MAML2: variants seen among roughly 807,000 people sequenced by gnomAD.
MAML2 encodes the protein mastermind like transcriptional coactivator 2.
MAML2 carries 22 observed loss-of-function variants against 96.1 expected under a neutral mutation model. That is an observed-to-expected ratio of 0.23 (90% CI 0.16 to 0.33). MAML2 has a LOEUF of 0.33. MAML2 is among the 10% of genes least tolerant of loss of function. The pLI is 1.00. For synonymous variants in MAML2, 561 were observed against 521.3 expected, an observed-to-expected ratio of 1.08 and a Z score of -1.04; for missense variants, 1,367 against 1,392.4, an observed-to-expected ratio of 0.98 and a Z score of 0.29.
At chr11:96,145,750 G>A (rs193098585) in intron 1 of MAML2, among the ~76,000 whole-genome samples, 5 of 152,342 alleles carry the variant, frequency 3.3e-5, no homozygotes, top group Admixed American at 2.6e-4. Context: ...GCTCATGCTT[G>A]TAATCCCAGT....
chr11:96,087,379 T>A (rs977753434), intron 2 of MAML2, among the ~76,000 whole-genome samples: 6 of 152,174 alleles, frequency 3.9e-5, no homozygotes, highest in African/African-American at 1.4e-4. Flanking sequence ...AAAAGATAAA[T>A]GGTGAAATAT....
At chr11:96,319,761 G>A (rs987650454) in intron 1 of MAML2, among the ~76,000 whole-genome samples, 2 of 152,158 alleles carry the variant, frequency 1.3e-5, no homozygotes, top group African/African-American at 4.8e-5. Context: ...TCTTCCTGCT[G>A]ACATTAAATA....
chr11:96,122,102 G>A (rs1008030331), intron 1 of MAML2, among the ~76,000 whole-genome samples: 1 of 151,042 alleles, frequency 6.6e-6, no homozygotes, highest in Non-Finnish European at 1.5e-5. Context: ...GAGCCACCCC[G>A]CCCGGCCCCT....
chr11:96,286,272 G>A (rs1431287921), intron 1 of MAML2, among the ~76,000 whole-genome samples: 2 of 152,176 alleles, frequency 1.3e-5, no homozygotes, highest in Admixed American at 1.3e-4. Flanking sequence ...GGAGCTGAAT[G>A]ACGAGAACAC....
chr11:96,237,608 T>C (rs938358923), intron 1 of MAML2, among the ~76,000 whole-genome samples: 2 of 152,264 alleles, frequency 1.3e-5, no homozygotes, highest in African/African-American at 4.8e-5. Context: ...TTTCAATCTA[T>C]AGCAGCTTTC....
chr11:96,319,652 T>C (rs1231068423), intron 1 of MAML2, among the ~76,000 whole-genome samples: 1 of 152,162 alleles, frequency 6.6e-6, no homozygotes, highest in Non-Finnish European at 1.5e-5. Flanking sequence ...CAGATATAGG[T>C]ACAATAGGGC....
chr11:96,181,681 C>CAT (rs1306943382), intron 1 of MAML2, among the ~76,000 whole-genome samples: 1 of 152,114 alleles, frequency 6.6e-6, no homozygotes, highest in Non-Finnish European at 1.5e-5. Context: ...AACACTCATC[C>CAT]ATAGTGGCCT....
At chr11:96,336,908 C>T (rs1309241701) in intron 1 of MAML2, among the ~76,000 whole-genome samples, 1 of 152,128 alleles carries the variant, frequency 6.6e-6, no homozygotes, top group Non-Finnish European at 1.5e-5. Flanking sequence ...CATCACCTAC[C>T]AATATTATTT....
At chr11:96,292,546 TA>T (rs1355167012) in intron 1 of MAML2, among the ~76,000 whole-genome samples, 4 of 152,230 alleles carry the variant, frequency 2.6e-5, no homozygotes, top group Non-Finnish European at 2.9e-5. Flanking sequence ...AGCAGTTATG[TA>T]AACCTAGGTC....
At chr11:96,171,857 C>T (rs1470608161) in intron 1 of MAML2, among the ~76,000 whole-genome samples, 1 of 152,240 alleles carries the variant, frequency 6.6e-6, no homozygotes, top group African/African-American at 2.4e-5. Context: ...TGCCTGCCAC[C>T]TTCTCCATTC....
At chr11:96,251,825 A>G (rs570466079) in intron 1 of MAML2, among the ~76,000 whole-genome samples, 1 of 149,236 alleles carries the variant, frequency 6.7e-6, no homozygotes, top group African/African-American at 2.5e-5. Flanking sequence ...TCCGCCTCCC[A>G]GGTTCACGCC....
chr11:96,207,191 A>C (rs943253021), intron 1 of MAML2, among the ~76,000 whole-genome samples: 1 of 152,194 alleles, frequency 6.6e-6, no homozygotes, highest in Non-Finnish European at 1.5e-5. Context: ...GGGTCCTCCA[A>C]GCATAGCTTT....
At chr11:96,122,090 G>A (rs185248024) in intron 1 of MAML2, among the ~76,000 whole-genome samples, 1 of 147,868 alleles carries the variant, frequency 6.8e-6, no homozygotes, top group African/African-American at 2.5e-5. Flanking sequence ...GATTACAGGC[G>A]TGAGCCACCC....
At chr11:96,009,482 A>G (rs774536699) in intron 2 of MAML2, among the ~76,000 whole-genome samples, 2 of 145,452 alleles carry the variant, frequency 1.4e-5, no homozygotes, top group African/African-American at 2.6e-5. Context: ...TGAATAATTT[A>G]GTTTATTTCA....
intron 2 of MAML2, among the ~76,000 whole-genome samples, chr11:96,040,015 G>C (rs759601652): frequency 1.8e-4 from 27 of 150,660 alleles, no homozygotes; most frequent in Non-Finnish European, 3.2e-4. Context: ...CAGCCTATTC[G>C]CTGCACTCAG....
intron 1 of MAML2, among the ~76,000 whole-genome samples, chr11:96,270,545 G>A (rs971548123): frequency 6.6e-6 from 1 of 152,058 alleles, no homozygotes; most frequent in Non-Finnish European, 1.5e-5. Context: ...TCCTGACCTC[G>A]TGATCCGCCT....
intron 1 of MAML2, among the ~76,000 whole-genome samples, chr11:96,141,285 TTAAG>T (rs1466134493): frequency 6.6e-6 from 1 of 152,196 alleles, no homozygotes; most frequent in Non-Finnish European, 1.5e-5. Flanking sequence ...TTAATTTTAA[TTAAG>T]TATCTTGTAT....
At chr11:96,162,176 C>CTTTTTTTTTT (rs36006515) in intron 1 of MAML2, among the ~76,000 whole-genome samples, 1 of 105,954 alleles carries the variant, frequency 9.4e-6, no homozygotes, top group African/African-American at 3.7e-5. Context: ...ATCAATCTAA[C>CTTTTTTTTTT]TTTTTTTTTT....
At chr11:96,293,017 G>T (rs1565275405) in intron 1 of MAML2, among the ~76,000 whole-genome samples, 1 of 152,038 alleles carries the variant, frequency 6.6e-6, no homozygotes, top group Non-Finnish European at 1.5e-5. Context: ...ATAGTATACT[G>T]TCTTTCAAAT....
Sources: gnomAD v4.1 joint callset for allele counts (sites outside exome capture counted in the v4.1 genomes callset) on GRCh38, gnomAD v4.1.1 for gene constraint, MANE v1.5 for transcripts, NCBI Gene and HGNC (gene_info 2026-07-23, HGNC 2026-07-21) for gene names.